The following CDS2 variants were observed in gnomAD, a reference collection of about 807,000 sequenced individuals.
CDS2 encodes phosphatidate cytidylyltransferase 2.
In CDS2, 47 loss-of-function variants were observed where a neutral mutation model predicts 59.0. That is an observed-to-expected ratio of 0.80 (90% CI 0.63 to 1.02). The LOEUF (loss-of-function observed/expected upper bound fraction) is 1.02, where lower values mean the gene tolerates loss of function less well. Among genes scored for constraint, CDS2 ranks in the 50% least tolerant of loss-of-function variants. The pLI is 0.00. For missense variants in CDS2, 356 were observed against 558.9 expected (o/e 0.64, Z 3.66); for synonymous variants, 207 against 206.4 (o/e 1.00, Z -0.02).
chr20:5,194,105 G>A lies in CDS2; in HGVS notation c.*3871G>A, dbSNP rs965791827. 1.3e-5 allele frequency: 2 copies of A among 152,100 alleles called. No homozygotes were observed. Among genetic ancestry groups the A allele is most frequent in the African/African-American group, 4.8e-5 (2 of 41,428 alleles). The allele number at this position is 152,100 out of a possible 1,614,324, so 9.4% of individuals were successfully genotyped here. On this transcript the variant is annotated 3_prime_UTR_variant, in exon 13 of 13. Transcript: ENST00000460006. Reference sequence around the variant, plus strand: ...AACACTGGACTCCAAAGAGCAGGTGGAACAAACTCTGGCCTGAAGATGATG... The same window carrying A: ...AACACTGGACTCCAAAGAGCAGGTGAAACAAACTCTGGCCTGAAGATGATG...
chr20:5,152,099 AAAAC>A (rs2090796797), intron 1 of CDS2, among the ~76,000 whole-genome samples: 1 of 151,888 alleles, frequency 6.6e-6, no homozygotes, highest in Admixed American at 6.6e-5. Context: ...AAAAAACAAA[AAAAC>A]AAAAACAGGC....
chr20:5,190,220 A>C lies in CDS2; in HGVS notation c.1324A>C (p.Thr442Pro). The C allele has an allele frequency of 6.2e-7, 1 of 1,613,934 alleles. No individual in the cohort carries two copies. Among genetic ancestry groups the C allele is most frequent in the South Asian group, 1.1e-5 (1 of 91,012 alleles). The part of the protein sequence containing the change: ...LIDKGMLTST[T>P]EDE ...CGACAAAGGGATGCTGACATCCACC[A>C]CAGAGGACGAGTAGGGGCCACCCAG... Residue 442 changes from threonine (T) to proline (P), a missense_variant, in exon 13 of 13, where the codon ACA becomes CCA. Coordinates refer to ENST00000460006, the MANE Select transcript of CDS2 (RefSeq NM_003818.4).
chr20:5,134,015 G>T (rs985361036), intron 1 of CDS2, among the ~76,000 whole-genome samples: 1 of 152,078 alleles, frequency 6.6e-6, no homozygotes, highest in African/African-American at 2.4e-5. Flanking sequence ...TGTTAAAAAG[G>T]TCTCAGAGTA....
At chr20:5,174,229 A>G (rs1568540436) in intron 2 of CDS2, among the ~76,000 whole-genome samples, 2 of 152,166 alleles carry the variant, frequency 1.3e-5, no homozygotes, top group Non-Finnish European at 2.9e-5. Context: ...ACCCCAAAGC[A>G]TTATCTCAGT....
At chr20:5,136,257 C>G (rs1456956998) in intron 1 of CDS2, among the ~76,000 whole-genome samples, 1 of 152,212 alleles carries the variant, frequency 6.6e-6, no homozygotes, top group Non-Finnish European at 1.5e-5. Context: ...TGTCTCAAAT[C>G]TGAATTCTCT....
rs1286616616 is a variant in CDS2, at chr20:5,176,725, C to T, written c.369C>T (p.Pro123=). 1.2e-6 allele frequency: 2 copies of T among 1,613,530 alleles called. No homozygotes were observed. The highest frequency in any genetic ancestry group is 1.7e-6 in the Non-Finnish European group (2 of 1,179,586). Residue 123 remains proline (P), a synonymous_variant, in exon 4 of 13, where the codon CCC becomes CCT. Transcript: ENST00000460006. ...ACGTCTACCACTCATATGATCTGCCCTGGTTCAGGACGCTCAGCTGGTAAG... is the reference window on the plus strand; with the variant it reads ...ACGTCTACCACTCATATGATCTGCCTTGGTTCAGGACGCTCAGCTGGTAAG... ...GYNVYHSYDL[P]WFRTLSWYFL...
chr20:5,176,632 GT>G lies in CDS2; in HGVS notation c.292-12del, dbSNP rs771189113. The G allele has an allele frequency of 7.5e-6, 12 of 1,601,154 alleles. No homozygotes were observed. Among genetic ancestry groups the G allele is most frequent in the Admixed American group, 1.7e-5 (1 of 59,968 alleles). On this transcript the variant is annotated splice_polypyrimidine_tract_variant and intron_variant, in intron 3 of 12. Transcript: ENST00000460006. The stretch of plus-strand genomic sequence containing the variant: ...CATAAGAATTGGGGTGTCAGTGAAT[GT>G]TTTGTGTCCCGCAGGTGATGTGCGT...
intron 1 of CDS2, among the ~76,000 whole-genome samples, chr20:5,145,242 C>CG (rs1222837451): frequency 9.5e-6 from 1 of 105,492 alleles, no homozygotes; most frequent in Non-Finnish European, 1.9e-5. Context: ...AAAGACCCCC[C>CG]CCCCCGCCCC....
intron 5 of CDS2, among the ~76,000 whole-genome samples, chr20:5,179,912 T>C (rs2091021373): frequency 6.6e-6 from 1 of 152,252 alleles, no homozygotes; most frequent in South Asian, 2.1e-4. Context: ...AAATTTGTTC[T>C]GACCTCAATG....
At chr20:5,151,012 G>A (rs188163333) in intron 1 of CDS2, among the ~76,000 whole-genome samples, 1 of 152,334 alleles carries the variant, frequency 6.6e-6, no homozygotes, top group Admixed American at 6.5e-5. Context: ...TTCCTAGCAC[G>A]TATGGTTGTC....
chr20:5,189,011 A>G (rs866681712), intron 10 of CDS2, 56 bp from the exon 11 acceptor site: 1 of 1,608,398 alleles, frequency 6.2e-7, no homozygotes, highest in Middle Eastern at 1.7e-4. Context: ...TGACAACTCA[A>G]ACCGTAACAC....
At chr20:5,165,115 C>T (rs16990695) in intron 1 of CDS2, among the ~76,000 whole-genome samples, 6 of 152,216 alleles carry the variant, frequency 3.9e-5, no homozygotes, top group African/African-American at 1.4e-4. Flanking sequence ...TACAACTGTA[C>T]GTATTTGAGT....
rs1477788106 is a variant in CDS2 at position 5,190,653 on chromosome 20, C to T, written c.*419C>T. On this transcript the variant is annotated 3_prime_UTR_variant, in exon 13 of 13. Transcript: ENST00000460006. ...GGACTTCCCCACCTGTGGTGGGAGG[C>T]ACAGCTTAGATGTTTTGTACACCTG... 2.0e-5 allele frequency: 3 copies of T among 152,744 alleles called. No individual in the cohort carries two copies. Among genetic ancestry groups the T allele is most frequent in the African/African-American group, 7.3e-5 (3 of 41,326 alleles). The allele number at this position is 152,744 out of a possible 1,614,324, so 9.5% of individuals were successfully genotyped here.
At chr20:5,132,378 G>A (rs1417283192) in intron 1 of CDS2, among the ~76,000 whole-genome samples, 7 of 152,170 alleles carry the variant, frequency 4.6e-5, no homozygotes, top group South Asian at 2.1e-4. Context: ...GATTACAGGC[G>A]TGAGCCACCG....
intron 1 of CDS2, among the ~76,000 whole-genome samples, chr20:5,131,180 T>A (rs1568525456): frequency 1.3e-5 from 2 of 152,162 alleles, no homozygotes; most frequent in African/African-American, 4.8e-5. Flanking sequence ...AAAACTGTCT[T>A]GTAAATAGAA....
intron 1 of CDS2, among the ~76,000 whole-genome samples, chr20:5,154,940 GC>G (rs922917848): frequency 2.0e-5 from 3 of 152,204 alleles, no homozygotes; most frequent in African/African-American, 7.2e-5. Context: ...GAGCCGTTGC[GC>G]TCAGCTGATT....
In CDS2 at chr20:5,127,135, C is replaced by T; in HGVS notation, c.43C>T (p.Pro15Ser). The T allele has an allele frequency of 6.7e-7, 1 of 1,495,546 alleles. No individual in the cohort carries two copies. Among genetic ancestry groups the T allele is most frequent in the Non-Finnish European group, 8.9e-7 (1 of 1,121,522 alleles). 92.6% of individuals were successfully genotyped at this position (1,495,546 alleles called of 1,614,324 possible). ...GAGGGTGGCCCATGAGCCGGTTGCG[C>T]CACCCGAGGACAAGGTAGCGGCAGC... ...RQRVAHEPVA[P>S]PEDKESESEA... The change falls in exon 1 of 13, where the codon CCA becomes TCA. Residue 15 changes from proline (P) to serine (S), a missense_variant. By Grantham distance (74) the Pro-to-Ser change is moderately conservative (BLOSUM62 -1). Around this residue, in one of 5 missense-constraint regions of CDS2, gnomAD observed 107 missense variants for 129.7 expected, o/e 0.82. Coordinates refer to ENST00000460006, the MANE Select transcript of CDS2 (RefSeq NM_003818.4).
intron 1 of CDS2, among the ~76,000 whole-genome samples, chr20:5,158,832 A>G (rs1442215060): frequency 6.6e-6 from 1 of 152,152 alleles, no homozygotes; most frequent in Non-Finnish European, 1.5e-5. Context: ...TCAGAGATAT[A>G]TGGTGGTGTT....
At position 5,179,106 on chromosome 20, in the gene CDS2, T is replaced by C. The variant is rs1267514195; in HGVS notation, c.529+150T>C. 12 of 653,700 alleles carry C rather than the reference T, an allele frequency of 1.8e-5. No homozygotes were observed. The East Asian group carries it at 3.0e-4, about 16-fold the overall frequency. 40.5% of individuals were successfully genotyped at this position (653,700 alleles called of 1,614,324 possible). On this transcript the variant is annotated intron_variant, in intron 5 of 12. Coordinates refer to ENST00000460006, the MANE Select transcript of CDS2 (RefSeq NM_003818.4). ...GCAGAGCTGATGCTCTATGTTAAGCTGTAGCAGCTGTTACCTTTTTTTTTT... is the reference window on the plus strand; with the variant it reads ...GCAGAGCTGATGCTCTATGTTAAGCCGTAGCAGCTGTTACCTTTTTTTTTT...
Sources: gnomAD v4.1 joint callset for allele counts (sites outside exome capture counted in the v4.1 genomes callset) on GRCh38, gnomAD v4.1.1 for gene constraint, gnomAD v4.1.1 regional missense constraint, MANE v1.5 for transcripts, NCBI Gene and HGNC (gene_info 2026-07-23, HGNC 2026-07-21) for gene names.